SEC24B: variants seen among roughly 807,000 people sequenced by gnomAD.
The protein encoded by SEC24B is protein transport protein Sec24B.
A neutral mutation model predicts 142.8 loss-of-function variants in SEC24B; 45 were observed. That is an observed-to-expected ratio of 0.32 (90% CI 0.25 to 0.40). The LOEUF is 0.40. Among genes scored for constraint, SEC24B ranks in the 10% least tolerant of loss-of-function variants. The pLI, the probability that SEC24B is intolerant of heterozygous loss-of-function variation, is 1.00. For synonymous variants in SEC24B, 574 were observed against 568.2 expected, an observed-to-expected ratio of 1.01 and a Z score of -0.15; for missense variants, 1,409 against 1,526.8, an observed-to-expected ratio of 0.92 and a Z score of 1.29.
At chr4:109,520,674 A>G (rs539698800) in intron 12 of SEC24B, among the ~76,000 whole-genome samples, 190 bp downstream of exon 12, 3 of 152,320 alleles carry the variant, frequency 2.0e-5, no homozygotes, top group Admixed American at 1.3e-4. Flanking sequence ...TGTATGTATA[A>G]TATATACAGA....
chr4:109,519,466 T>G (rs926616523), intron 11 of SEC24B, among the ~76,000 whole-genome samples: 12 of 152,248 alleles, frequency 7.9e-5, no homozygotes, highest in African/African-American at 2.9e-4. Context: ...GAAAGGGCTC[T>G]GGAAACTTCT....
At chr4:109,436,977 C>T (rs887326632) in intron 1 of SEC24B, among the ~76,000 whole-genome samples, 1 of 152,230 alleles carries the variant, frequency 6.6e-6, no homozygotes, top group African/African-American at 2.4e-5. Flanking sequence ...AGCCCTTCTA[C>T]CAAAGTAATT....
At chr4:109,471,333 T>C (rs928670416) in intron 2 of SEC24B, among the ~76,000 whole-genome samples, 2 of 151,850 alleles carry the variant, frequency 1.3e-5, no homozygotes, top group Non-Finnish European at 2.9e-5. Flanking sequence ...TCAGTAGAGA[T>C]AGGGTTTTGC....
intron 1 of SEC24B, chr4:109,451,105 G>C (rs1287452838): frequency 2.0e-5 from 3 of 151,986 alleles, no homozygotes; most frequent in South Asian, 2.1e-4. Context: ...CTCTTTCCCT[G>C]TTTCTTATAA....
chr4:109,539,934 A>G lies in SEC24B; in HGVS notation c.*259A>G. The G allele has an allele frequency of 2.5e-6, 1 of 403,988 alleles. No individual in the cohort carries two copies. Among genetic ancestry groups the G allele is most frequent in the South Asian group, 3.3e-5 (1 of 29,958 alleles). The allele number at this position is 403,988 out of a possible 1,614,324, so 25.0% of individuals were successfully genotyped here. ...TTCTACACATTTCCAGTAGTATGGC[A>G]GTACAGTGCTCTGTTCATTGCAAGC... On this transcript the variant is annotated 3_prime_UTR_variant, in exon 24 of 24. Transcript: ENST00000265175.
At chr4:109,459,023 T>C (rs1730991007) in intron 1 of SEC24B, among the ~76,000 whole-genome samples, 1 of 152,190 alleles carries the variant, frequency 6.6e-6, no homozygotes, top group South Asian at 2.1e-4. Context: ...CCAAGAAAGA[T>C]CACAGATGAA....
At chr4:109,442,380 ATTTTAACAAAGATAATTG>A (rs1156376205) in intron 1 of SEC24B, among the ~76,000 whole-genome samples, 2 of 152,198 alleles carry the variant, frequency 1.3e-5, no homozygotes, top group Admixed American at 1.3e-4. Context: ...CTATTTTAAC[ATTTTAACAAAGATAATTG>A]TTAAAATGAA....
intron 3 of SEC24B, among the ~76,000 whole-genome samples, chr4:109,477,937 G>A (rs2125976124): frequency 6.6e-6 from 1 of 152,202 alleles, no homozygotes; most frequent in Non-Finnish European, 1.5e-5. Context: ...GAGTTTTAGT[G>A]AGTATGTTTT....
At chr4:109,454,900 C>T (rs2125916731) in intron 1 of SEC24B, among the ~76,000 whole-genome samples, 1 of 152,346 alleles carries the variant, frequency 6.6e-6, no homozygotes. Context: ...AATGTGTGCT[C>T]AGGCCAAGAA....
chr4:109,503,287 G>A (rs1736353097), intron 6 of SEC24B, among the ~76,000 whole-genome samples: 1 of 150,346 alleles, frequency 6.7e-6, no homozygotes, highest in African/African-American at 2.5e-5. Context: ...GCAATGGCTC[G>A]ATCTCGGCTC....
chr4:109,489,643 G>GATATA (rs150038109), intron 4 of SEC24B, among the ~76,000 whole-genome samples: 10 of 142,336 alleles, frequency 7.0e-5, no homozygotes, highest in South Asian at 2.2e-4. Context: ...GTATATATAT[G>GATATA]ATATATATGG....
chr4:109,498,228 A>C (rs1735727752), intron 6 of SEC24B, among the ~76,000 whole-genome samples: 1 of 152,160 alleles, frequency 6.6e-6, no homozygotes. Flanking sequence ...TTTGAACACT[A>C]CTGTTTTAGG....
chr4:109,494,815 C>T lies in SEC24B; in HGVS notation c.1447C>T (p.Pro483Ser), dbSNP rs1439785394. 3.1e-6 allele frequency: 5 copies of T among 1,613,968 alleles called. No homozygotes were observed. The highest frequency in any genetic ancestry group is 1.7e-5 in the Admixed American group (1 of 60,028). Residue 483 changes from proline (P) to serine (S), a missense_variant, in exon 6 of 24, where the codon CCC becomes TCC. Coordinates refer to ENST00000265175, the MANE Select transcript of SEC24B (RefSeq NM_006323.5). ...AGCACCACTTATTTCTGGAGTACAG[C>T]CCAGTAACCCGGTATATTCTGGATT... ...ATAPLISGVQ[P>S]SNPVYSGFQQ...
intron 13 of SEC24B, 68 bp from the exon 14 acceptor site, chr4:109,521,352 G>A: frequency 1.5e-6 from 2 of 1,344,942 alleles, no homozygotes; most frequent in Non-Finnish European, 2.1e-6. Flanking sequence ...ATACACTATG[G>A]AATGTTTTAA....
intron 1 of SEC24B, among the ~76,000 whole-genome samples, chr4:109,462,361 G>A (rs1057267226): frequency 6.6e-5 from 10 of 152,190 alleles, no homozygotes; most frequent in African/African-American, 2.2e-4. Context: ...TAGCTAGGTG[G>A]TTCTGGCTCA....
At chr4:109,448,433 A>G (rs1470670030) in intron 1 of SEC24B, among the ~76,000 whole-genome samples, 3 of 152,260 alleles carry the variant, frequency 2.0e-5, no homozygotes, top group East Asian at 1.9e-4. Context: ...TTTTAGACTT[A>G]CAGAAGTGTT....
At chr4:109,446,750 G>A (rs1219730056) in intron 1 of SEC24B, among the ~76,000 whole-genome samples, 1 of 152,164 alleles carries the variant, frequency 6.6e-6, no homozygotes, top group Non-Finnish European at 1.5e-5. Context: ...AGCTTTTAAA[G>A]TTTCATGTTC....
At chr4:109,499,538 G>C (rs1010220084) in intron 6 of SEC24B, among the ~76,000 whole-genome samples, 2 of 152,154 alleles carry the variant, frequency 1.3e-5, no homozygotes, top group African/African-American at 4.8e-5. Flanking sequence ...AAACGCACAT[G>C]CATACAGTCA....
intron 1 of SEC24B, among the ~76,000 whole-genome samples, chr4:109,434,218 C>A (rs1284025142): frequency 4.0e-5 from 6 of 151,454 alleles, no homozygotes; most frequent in Non-Finnish European, 5.9e-5. Flanking sequence ...GGGTGGGACG[C>A]CCCTGGCGTG....
Sources: allele counts gnomAD v4.1 joint callset (sites outside exome capture counted in the v4.1 genomes callset), GRCh38; gene constraint gnomAD v4.1.1; transcripts MANE v1.5; gene names NCBI Gene and HGNC (gene_info 2026-07-23, HGNC 2026-07-21).